ZNF554: variants seen among roughly 807,000 people sequenced by gnomAD.
ZNF554 encodes zinc finger protein 554.
A neutral mutation model predicts 21.2 loss-of-function variants in ZNF554; 15 were observed. The ratio of observed to expected loss-of-function variants is 0.71; its 90% CI spans 0.47 to 1.09. The LOEUF is 1.09. Among genes scored for constraint, ZNF554 ranks in the 50% least tolerant of loss-of-function variants. ZNF554 has a pLI of 0.00. For synonymous variants in ZNF554, 258 were observed against 251.4 expected (o/e 1.03, Z -0.25); for missense variants, 691 against 662.7 (o/e 1.04, Z -0.47).
intron 1 of ZNF554, among the ~76,000 whole-genome samples, chr19:2,822,036 T>C (rs1431077634): frequency 1.3e-5 from 2 of 152,046 alleles, no homozygotes; most frequent in Admixed American, 6.6e-5. Flanking sequence ...TCCTGAGAGC[T>C]TTTGTTTCTT....
rs2087487902 is a variant in ZNF554, at chr19:2,835,484, A to AAG, written c.*633_*634insGA. ...GAGACTCCGTCTCAAAAAAAAAAAA[A>AAG]AAATTATAGAGTTGGGGTCTTGCTA... On this transcript the variant is annotated 3_prime_UTR_variant, in exon 5 of 5. Transcript: ENST00000317243. 2.0e-5 allele frequency: 3 copies of AAG among 151,684 alleles called. No individual in the cohort carries two copies. The highest frequency in any genetic ancestry group is 7.3e-5 in the African/African-American group (3 of 41,178). The allele number at this position is 151,684 out of a possible 1,614,324, so 9.4% of individuals were successfully genotyped here. A position where few individuals can be genotyped will look rare whatever the true frequency, so the allele number is the denominator to read the frequency against.
chr19:2,820,166 C>T, intron 1 of ZNF554, 42 bp downstream of exon 1: 4 of 1,216,524 alleles, frequency 3.3e-6, no homozygotes, highest in Non-Finnish European at 3.1e-6. Context: ...CCGTGCCGGG[C>T]CTGCCGGGGC....
intron 1 of ZNF554, 23 bp from the exon 2 acceptor site, chr19:2,823,017 C>T (rs776962224): frequency 2.8e-5 from 45 of 1,610,448 alleles, no homozygotes; most frequent in Non-Finnish European, 2.7e-5. Context: ...CTGGTATTCG[C>T]AGCGCCTTTT....
chr19:2,822,933 T>G, intron 1 of ZNF554, 107 bp from the exon 2 acceptor site: 1 of 1,100,286 alleles, frequency 9.1e-7, no homozygotes, highest in Non-Finnish European at 1.3e-6. Context: ...CCTCCCTCTG[T>G]GTATGGGGGG....
At chr19:2,827,511 C>T in intron 2 of ZNF554, 106 bp from the exon 3 acceptor site, 1 of 1,417,998 alleles carries the variant, frequency 7.1e-7, no homozygotes, top group Non-Finnish European at 9.5e-7. Flanking sequence ...ATGGACTTTG[C>T]ACCTTGACCT....
At chr19:2,827,883 C>A in intron 3 of ZNF554, 140 bp downstream of exon 3, 2 of 1,078,140 alleles carry the variant, frequency 1.9e-6, no homozygotes, top group Non-Finnish European at 2.7e-6. Flanking sequence ...CTCAGTTCCA[C>A]ATGGCCGGGG....
At chr19:2,827,262 G>C (rs2087347850) in intron 2 of ZNF554, among the ~76,000 whole-genome samples, 1 of 152,194 alleles carries the variant, frequency 6.6e-6, no homozygotes, top group East Asian at 1.9e-4. Flanking sequence ...CTTGCAAGTG[G>C]CATATCCATG....
rs1333349103 is a variant in ZNF554, at chr19:2,822,589, C to T, written c.54-451C>T. Among the ~76,000 whole-genome samples, 3 of 152,102 alleles carry T rather than the reference C, an allele frequency of 2.0e-5. No individual in the cohort carries two copies. In the East Asian group the frequency reaches 5.8e-4, roughly 29 times the overall value. ...TCCATAAAATGGGGCCTTTAAGACCCCTGGCCATGGATGTGTGTGGCGTCT... is the reference window on the plus strand; with the variant it reads ...TCCATAAAATGGGGCCTTTAAGACCTCTGGCCATGGATGTGTGTGGCGTCT... On this transcript the variant is annotated intron_variant, in intron 1 of 4. Coordinates refer to ENST00000317243, the MANE Select transcript of ZNF554 (RefSeq NM_001102651.2).
rs1247911479 is a variant in ZNF554 at position 2,834,801 on chromosome 19, C to A, written c.1566C>A (p.Ile522=). 2 of 1,610,010 alleles carry A rather than the reference C, an allele frequency of 1.2e-6. No individual in the cohort carries two copies. The highest frequency in any genetic ancestry group is 2.7e-5 in the African/African-American group (2 of 74,904). ...ACAGCAGCCAGAAAACCTATAAAAT[C>A]ATTGACTGTGGGAAAGCGTTCTACC... ...KTHSSQKTYK[I]IDCGKAFYQN... Residue 522 remains isoleucine (I), a synonymous_variant, in exon 5 of 5, where the codon ATC becomes ATA. Coordinates refer to ENST00000317243, the MANE Select transcript of ZNF554 (RefSeq NM_001102651.2).
Position 2,832,283 on chromosome 19 carries a change from TA to T in ZNF554, c.254-19del. On this transcript the variant is annotated intron_variant, in intron 3 of 4. Coordinates refer to ENST00000317243, the MANE Select transcript of ZNF554 (RefSeq NM_001102651.2). ...TCATTATCTTGTGCTACCTCTCAAGTATACTCTTGTCTTTTTCAGAAGCCTT... is the reference window on the plus strand; with the variant it reads ...TCATTATCTTGTGCTACCTCTCAAGTTACTCTTGTCTTTTTCAGAAGCCTT... 1 of 1,561,246 alleles carries T rather than the reference TA, an allele frequency of 6.4e-7. No homozygotes were observed. Among genetic ancestry groups the T allele is most frequent in the Non-Finnish European group, 8.6e-7 (1 of 1,159,682 alleles).
At chr19:2,820,148 C>A in intron 1 of ZNF554, 24 bp downstream of exon 1, 1 of 1,218,808 alleles carries the variant, frequency 8.2e-7, no homozygotes, top group East Asian at 3.3e-5. Flanking sequence ...CCTCCCGCGC[C>A]GCGACCTCCG....
intron 4 of ZNF554, 53 bp from the exon 5 acceptor site, chr19:2,833,628 C>T (rs1222998365): frequency 5.5e-6 from 8 of 1,465,422 alleles, no homozygotes; most frequent in Middle Eastern, 1.8e-4. Context: ...CGCTGGTTTT[C>T]AAGTAGCTGT....
intron 1 of ZNF554, among the ~76,000 whole-genome samples, chr19:2,820,977 G>A (rs1045655290): frequency 1.3e-5 from 2 of 151,402 alleles, no homozygotes; most frequent in African/African-American, 2.4e-5. Flanking sequence ...GGTCTATTCT[G>A]TTTATACCCA....
chr19:2,833,851 C>T lies in ZNF554; in HGVS notation c.616C>T (p.Leu206Phe). The T allele has an allele frequency of 1.2e-6, 2 of 1,613,044 alleles. No homozygotes were observed. The highest frequency in any genetic ancestry group is 2.7e-5 in the African/African-American group (2 of 75,014). ...GGGGCTTTTGAGCCAAAAGGCATCCCTTCACGTAGTGGCCGTTCCTCAGGA... is the reference window on the plus strand; with the variant it reads ...GGGGCTTTTGAGCCAAAAGGCATCCTTTCACGTAGTGGCCGTTCCTCAGGA... Reference protein sequence around the residue: ...PQGLLSQKASLHVVAVPQEKA... With the variant: ...PQGLLSQKASFHVVAVPQEKA... The change falls in exon 5 of 5, where the codon CTT becomes TTT. Residue 206 changes from leucine (L) to phenylalanine (F), a missense_variant. Leu to Phe is a conservative substitution (Grantham distance 22, BLOSUM62 0). Transcript: ENST00000317243.
Position 2,834,630 on chromosome 19 carries a change from A to T in ZNF554, c.1395A>T (p.Glu465Asp), listed in dbSNP as rs2087474371. ...ERTHTGENPY[E>D]CKQCGRAFSQ... is the part of the protein sequence containing the mutation. The stretch of plus-strand genomic sequence containing the variant: ...CTCACACGGGCGAGAACCCCTATGA[A>T]TGTAAGCAGTGTGGGAGAGCCTTCA... Residue 465 changes from glutamate (E) to aspartate (D), a missense_variant, in exon 5 of 5, where the codon GAA becomes GAT. Coordinates refer to ENST00000317243, the MANE Select transcript of ZNF554 (RefSeq NM_001102651.2). 6.2e-7 allele frequency: 1 copy of T among 1,613,824 alleles called. No homozygotes were observed. The highest frequency in any genetic ancestry group is 1.3e-5 in the African/African-American group (1 of 74,848).
In ZNF554 at chr19:2,834,001, T is replaced by C; in HGVS notation, c.766T>C (p.Ser256Pro). Reference protein sequence around the residue: ...GSELDITSLASDSVLNHHQLG... With the variant: ...GSELDITSLAPDSVLNHHQLG... ...CGAGTTAGATATTACAAGCTTGGCA[T>C]CCGATTCAGTCTTAAACCACCATCA... The change falls in exon 5 of 5, where the codon TCC (serine) becomes CCC (proline). Residue 256 changes from serine to proline, a missense_variant. Coordinates refer to ENST00000317243, the MANE Select transcript of ZNF554 (RefSeq NM_001102651.2). 1.9e-6 allele frequency: 3 copies of C among 1,614,158 alleles called. No homozygotes were observed. Among genetic ancestry groups the C allele is most frequent in the African/African-American group, 1.3e-5 (1 of 75,072 alleles).
In ZNF554 at chr19:2,834,336, C is replaced by T; in HGVS notation, c.1101C>T (p.Leu367=). 6.2e-7 allele frequency: 1 copy of T among 1,613,942 alleles called. No individual in the cohort carries two copies. The highest frequency in any genetic ancestry group is 1.7e-5 in the Admixed American group (1 of 60,016). ...CGRAFTHSST[L]TRHLRTHTGE... ...GAGCCTTTACGCACAGCTCCACCCT[C>T]ACGCGCCATCTGAGAACTCATACTG... is the stretch of plus-strand genomic sequence containing the variant. Residue 367 remains leucine (L), a synonymous_variant, in exon 5 of 5, where the codon CTC becomes CTT. Transcript: ENST00000317243.
chr19:2,832,706 T>C (rs1207130898), intron 4 of ZNF554, among the ~76,000 whole-genome samples: 1 of 152,158 alleles, frequency 6.6e-6, no homozygotes, highest in Non-Finnish European at 1.5e-5. Context: ...TCTCATTTTC[T>C]TGTTTTATTT....
chr19:2,832,391 A>G lies in ZNF554; in HGVS notation c.342A>G (p.Ser114=). 2 of 1,613,770 alleles carry G rather than the reference A, an allele frequency of 1.2e-6. No homozygotes were observed. Among genetic ancestry groups the G allele is most frequent in the Non-Finnish European group, 1.7e-6 (2 of 1,179,688 alleles). Residue 114 remains serine, a synonymous_variant, in exon 4 of 5, where the codon TCA becomes TCG. Transcript: ENST00000317243. ...CCTCACAAGTCACTAGTCTTTCCTC[A>G]TGGACGGGGTATTTACTTTTTCAAC... ...AQTSQVTSLS[S]WTGYLLFQPV... is the part of the protein sequence containing the mutation.
Sources: allele counts gnomAD v4.1 joint callset (sites outside exome capture counted in the v4.1 genomes callset), GRCh38; gene constraint gnomAD v4.1.1; transcripts MANE v1.5; gene names NCBI Gene and HGNC (gene_info 2026-07-23, HGNC 2026-07-21).